Variants in SPSB4 observed in about 807,000 individuals in gnomAD.
SPSB4 encodes SPRY domain-containing SOCS box protein 4.
In SPSB4, 21 loss-of-function variants were observed where a neutral mutation model predicts 20.9. The observed-to-expected ratio is 1.01, with a 90% confidence interval of 0.71 to 1.45. The LOEUF is 1.45. Among genes scored for constraint, SPSB4 ranks in the 40% most tolerant of loss-of-function variants. SPSB4 has a pLI of 0.00. For synonymous variants in SPSB4, 207 were observed against 183.8 expected (o/e 1.13, Z -1.02); for missense variants, 399 against 399.2 (o/e 1.00, Z 0.00).
At chr3:141,065,630 A>G (rs768249285) in intron 1 of SPSB4, among the ~76,000 whole-genome samples, 1 of 152,222 alleles carries the variant, frequency 6.6e-6, no homozygotes, top group African/African-American at 2.4e-5. Context: ...CTTGGTTTGA[A>G]TCTTGGCTCA....
intron 2 of SPSB4, among the ~76,000 whole-genome samples, chr3:141,074,661 C>T: frequency 6.6e-6 from 1 of 152,188 alleles, no homozygotes; most frequent in Admixed American, 6.5e-5. Flanking sequence ...GCCGCAGCTC[C>T]CCGTGGTGAC....
At chr3:141,121,114 C>A (rs1559853323) in intron 2 of SPSB4, among the ~76,000 whole-genome samples, 1 of 151,738 alleles carries the variant, frequency 6.6e-6, no homozygotes, top group African/African-American at 2.4e-5. Context: ...CTGGTGGTAA[C>A]AAAATCTCTC....
At chr3:141,134,255 G>A (rs183821095) in intron 2 of SPSB4, among the ~76,000 whole-genome samples, 1 of 151,564 alleles carries the variant, frequency 6.6e-6, no homozygotes, top group Non-Finnish European at 1.5e-5. Context: ...TCATATCATC[G>A]GCAAATAGCA....
At chr3:141,136,319 G>T (rs1939227427) in intron 2 of SPSB4, among the ~76,000 whole-genome samples, 1 of 152,144 alleles carries the variant, frequency 6.6e-6, no homozygotes, top group Non-Finnish European at 1.5e-5. Flanking sequence ...GGTTTCTTTT[G>T]CTGTGCAGAA....
intron 2 of SPSB4, among the ~76,000 whole-genome samples, chr3:141,141,583 C>G (rs905512654): frequency 6.6e-6 from 1 of 152,186 alleles, no homozygotes; most frequent in Non-Finnish European, 1.5e-5. Context: ...AGTCTATAGG[C>G]AGCAGCAACA....
intron 2 of SPSB4, among the ~76,000 whole-genome samples, chr3:141,078,780 A>G (rs543052983): frequency 1.3e-5 from 2 of 152,330 alleles, no homozygotes; most frequent in South Asian, 4.1e-4. Context: ...TCCAGGAGGT[A>G]CGGTGCTCTT....
chr3:141,093,061 G>A (rs997873019), intron 2 of SPSB4, among the ~76,000 whole-genome samples: 1 of 152,140 alleles, frequency 6.6e-6, no homozygotes, highest in African/African-American at 2.4e-5. Context: ...TGGCAGTGGG[G>A]CTGAGACCGC....
In SPSB4 at chr3:141,088,923, A is replaced by G. The variant is rs1938400226; in HGVS notation, c.694+22125A>G. ...ACCAATTTCTCATAGAGCTCCACAG[A>G]TATATTCTAGGCATATATAAGCACA... On this transcript the variant is annotated intron_variant, in intron 2 of 2. Coordinates refer to ENST00000310546, the MANE Select transcript of SPSB4 (RefSeq NM_080862.3). Among the ~76,000 whole-genome samples, 3 of 152,220 alleles carry G rather than the reference A, an allele frequency of 2.0e-5. No homozygotes were observed. In the South Asian group the frequency reaches 6.2e-4, roughly 31 times the overall value.
intron 2 of SPSB4, among the ~76,000 whole-genome samples, chr3:141,103,731 G>A (rs1938647567): frequency 6.6e-6 from 1 of 152,090 alleles, no homozygotes; most frequent in Non-Finnish European, 1.5e-5. Flanking sequence ...CAGCAAACAA[G>A]AACTCTTAAA....
At position 141,091,045 on chromosome 3, in the gene SPSB4, C is replaced by T. The variant is rs936383449; in HGVS notation, c.694+24247C>T. Among the ~76,000 whole-genome samples, 3 of 152,184 alleles carry T rather than the reference C, an allele frequency of 2.0e-5. No homozygotes were observed. In the East Asian group the frequency reaches 5.8e-4, roughly 29 times the overall value. ...CTGGAAGGATGGAGGGGCCATTCAC[C>T]AAGATGGGCAAGACTGTGGGTTGGG... On this transcript the variant is annotated intron_variant, in intron 2 of 2. Transcript: ENST00000310546.
At chr3:141,132,241 C>A in intron 2 of SPSB4, 1 of 421,176 alleles carries the variant, frequency 2.4e-6, no homozygotes, top group South Asian at 1.7e-5. Context: ...GATCTCGGCT[C>A]ACTGCAACCT....
Position 141,066,607 on chromosome 3 carries a change from A to G in SPSB4, c.503A>G (p.Asp168Gly), listed in dbSNP as rs372988650. ...GVAYPAFLGP[D>G]EAFALPDSLL... ...GCCTACCCGGCCTTTCTGGGGCCCG[A>G]CGAGGCCTTTGCGCTGCCCGACTCG... The change falls in exon 2 of 3, where the codon GAC becomes GGC. Residue 168 changes from aspartate to glycine, a missense_variant. Coordinates refer to ENST00000310546, the MANE Select transcript of SPSB4 (RefSeq NM_080862.3). 2.9e-5 allele frequency: 46 copies of G among 1,592,194 alleles called. No homozygotes were observed. The highest frequency in any genetic ancestry group is 3.8e-5 in the Non-Finnish European group (45 of 1,169,550).
At chr3:141,068,969 G>A (rs1029014667) in intron 2 of SPSB4, among the ~76,000 whole-genome samples, 3 of 152,174 alleles carry the variant, frequency 2.0e-5, no homozygotes, top group African/African-American at 7.2e-5. Flanking sequence ...AACAAGTTTG[G>A]TGGAACTAAA....
intron 2 of SPSB4, chr3:141,077,234 G>T (rs1056625882): frequency 1.3e-5 from 2 of 152,226 alleles, no homozygotes; most frequent in Non-Finnish European, 2.9e-5. Context: ...AAATTAAGCC[G>T]AGACAGCGTG....
intron 2 of SPSB4, among the ~76,000 whole-genome samples, chr3:141,070,225 C>T (rs1937972219): frequency 6.6e-6 from 1 of 152,090 alleles, no homozygotes; most frequent in Non-Finnish European, 1.5e-5. Context: ...ATAATAATAG[C>T]AACAATAGCA....
chr3:141,116,134 G>T (rs1256300257), intron 2 of SPSB4, among the ~76,000 whole-genome samples: 1 of 152,178 alleles, frequency 6.6e-6, no homozygotes, highest in Non-Finnish European at 1.5e-5. Context: ...TAGAAAACAG[G>T]AGTCAACTGT....
At chr3:141,122,567 G>T (rs941069911) in intron 2 of SPSB4, among the ~76,000 whole-genome samples, 20 of 152,328 alleles carry the variant, frequency 1.3e-4, no homozygotes, top group African/African-American at 4.6e-4. Flanking sequence ...GCTGAGCTGT[G>T]GTGGGCTCTG....
chr3:141,134,056 C>CTTTTTTT (rs1222303281), intron 2 of SPSB4, among the ~76,000 whole-genome samples: 78 of 61,612 alleles, frequency 1.3e-3, no homozygotes, highest in South Asian at 2.6e-3. Context: ...TTTCTTTTTT[C>CTTTTTTT]TTTTTTTTTT....
chr3:141,098,209 A>G (rs903612448), intron 2 of SPSB4, among the ~76,000 whole-genome samples: 2 of 152,258 alleles, frequency 1.3e-5, no homozygotes, highest in Non-Finnish European at 2.9e-5. Context: ...TTAATAGCTG[A>G]TAGGACCACT....
Sources: allele counts gnomAD v4.1 joint callset (sites outside exome capture counted in the v4.1 genomes callset), GRCh38; gene constraint gnomAD v4.1.1; transcripts MANE v1.5; gene names NCBI Gene and HGNC (gene_info 2026-07-23, HGNC 2026-07-21).